The following EYS variants were observed in gnomAD, a reference collection of about 807,000 sequenced individuals.
EYS encodes the protein protein eyes shut homolog.
A neutral mutation model predicts 282.1 loss-of-function variants in EYS; 250 were observed. The observed-to-expected ratio is 0.89, with a 90% confidence interval of 0.80 to 0.98. EYS has a LOEUF of 0.98. Among genes scored for constraint, EYS ranks in the 50% least tolerant of loss-of-function variants. EYS has a pLI of 0.00. For synonymous variants in EYS, 1,355 were observed against 1,282.9 expected (o/e 1.06, Z -1.20); for missense variants, 4,016 against 3,709.0 (o/e 1.08, Z -2.15).
intron 40 of EYS, among the ~76,000 whole-genome samples, chr6:63,765,190 T>G (rs1769755960): frequency 1.3e-5 from 2 of 152,070 alleles, no homozygotes; most frequent in Admixed American, 1.3e-4. Flanking sequence ...ATCTTAGGAT[T>G]GAGCATAGTA....
intron 37 of EYS, among the ~76,000 whole-genome samples, chr6:63,791,494 C>T (rs997777591): frequency 2.7e-5 from 4 of 149,908 alleles, no homozygotes; most frequent in Admixed American, 6.7e-5. Context: ...AGGAGAATGG[C>T]GGGAACCTGG....
chr6:63,726,524 TG>T lies in EYS; in HGVS notation c.8227del (p.Gln2743AsnfsTer10). The T allele has an allele frequency of 6.5e-7, 1 of 1,548,826 alleles. No homozygotes were observed. The highest frequency in any genetic ancestry group is 2.0e-5 in the Admixed American group (1 of 50,432). On this transcript the variant is annotated frameshift_variant, in exon 42 of 43. Coordinates refer to ENST00000503581, the MANE Select transcript of EYS (RefSeq NM_001142800.2). LOFTEE classifies it low-confidence loss of function (END_TRUNC). ...LFYAAQHLKA[Q>X]SGDFLCISLV... Reference sequence around the variant, plus strand: ...AAACAGCCTGCCAATCTTACCTGATTGGGCTTTTAAGTGTTGTGCAGCATAA... The same window carrying T: ...AAACAGCCTGCCAATCTTACCTGATTGGCTTTTAAGTGTTGTGCAGCATAA...
chr6:65,121,646 G>A lies in EYS; in HGVS notation c.2024-63919C>T, dbSNP rs1054435050. 6.6e-5 allele frequency among the ~76,000 whole-genome samples: 10 copies of A among 152,248 alleles called. No individual in the cohort carries two copies. In the South Asian group the frequency reaches 1.9e-3, roughly 28 times the overall value. ...TGGAGAATGATCAGCTCTGGAGCAT[G>A]TTTACTTTAGCAGTGAATGGCCTAA... is the stretch of plus-strand genomic sequence containing the variant. On this transcript the variant is annotated intron_variant, in intron 12 of 42. Transcript: ENST00000503581.
chr6:64,066,505 AG>A lies in EYS; in HGVS notation c.6572-15del. On this transcript the variant is annotated splice_polypyrimidine_tract_variant and intron_variant, in intron 32 of 42. Coordinates refer to ENST00000503581, the MANE Select transcript of EYS (RefSeq NM_001142800.2). ...TATTCCCATTACCTTTAAGAAAAAA[AG>A]AATATATTAGTAATTATTGTAGATT... 3 of 1,402,186 alleles carry A rather than the reference AG, an allele frequency of 2.1e-6. No individual in the cohort carries two copies. In the South Asian group the frequency reaches 3.8e-5, roughly 18 times the overall value. 86.9% of individuals were successfully genotyped at this position (1,402,186 alleles called of 1,614,324 possible).
intron 8 of EYS, among the ~76,000 whole-genome samples, chr6:65,363,095 C>A (rs9445525): frequency 1.3e-5 from 2 of 151,020 alleles, no homozygotes; most frequent in East Asian, 3.9e-4. Flanking sequence ...ACTACATAGA[C>A]TTGCATGCCA....
intron 12 of EYS, among the ~76,000 whole-genome samples, chr6:65,156,955 C>T (rs531645762): frequency 7.9e-5 from 12 of 151,054 alleles, no homozygotes; most frequent in African/African-American, 2.9e-4. Context: ...ATTTTAGCCA[C>T]TCAATTCTAA....
intron 2 of EYS, among the ~76,000 whole-genome samples, chr6:65,585,734 T>C (rs1765021105): frequency 1.3e-5 from 2 of 151,808 alleles, no homozygotes; most frequent in African/African-American, 2.4e-5. Context: ...ATTTCAATGA[T>C]GAATGAGTTT....
At chr6:64,883,399 A>G (rs2150061269) in intron 19 of EYS, among the ~76,000 whole-genome samples, 1 of 151,594 alleles carries the variant, frequency 6.6e-6, no homozygotes, top group South Asian at 2.1e-4. Context: ...TATTTCTGAG[A>G]TAGGACTTAG....
At chr6:65,111,605 T>C (rs1000056055) in intron 12 of EYS, among the ~76,000 whole-genome samples, 1 of 152,184 alleles carries the variant, frequency 6.6e-6, no homozygotes, top group African/African-American at 2.4e-5. Context: ...CCCTCCCTAT[T>C]GGGACGCCAA....
intron 12 of EYS, among the ~76,000 whole-genome samples, chr6:65,149,863 A>C (rs370469095): frequency 2.6e-5 from 4 of 152,116 alleles, no homozygotes; most frequent in South Asian, 4.1e-4. Context: ...ATTTATAAAG[A>C]AAAGAGGTTT....
At chr6:64,319,380 C>T (rs1163603444) in intron 29 of EYS, among the ~76,000 whole-genome samples, 1 of 151,692 alleles carries the variant, frequency 6.6e-6, no homozygotes, top group Non-Finnish European at 1.5e-5. Flanking sequence ...TCTAGCAATA[C>T]CAATTGATTA....
At chr6:64,004,382 T>C (rs1473904479) in intron 33 of EYS, among the ~76,000 whole-genome samples, 1 of 152,158 alleles carries the variant, frequency 6.6e-6, no homozygotes, top group Non-Finnish European at 1.5e-5. Context: ...TAAAATGTTA[T>C]TTTTATTGGA....
intron 11 of EYS, among the ~76,000 whole-genome samples, chr6:65,311,174 T>C (rs1430452204): frequency 6.6e-6 from 1 of 152,174 alleles, no homozygotes; most frequent in East Asian, 1.9e-4. Flanking sequence ...TTAAAAAGTA[T>C]GAAGTACTAC....
chr6:64,803,939 T>C (rs754490134), intron 22 of EYS, among the ~76,000 whole-genome samples: 4 of 152,138 alleles, frequency 2.6e-5, no homozygotes, highest in Non-Finnish European at 5.9e-5. Flanking sequence ...ATGCCTGGGT[T>C]CACAGCCATG....
chr6:65,164,247 T>C (rs1027138008), intron 12 of EYS, among the ~76,000 whole-genome samples: 4 of 151,284 alleles, frequency 2.6e-5, no homozygotes, highest in Non-Finnish European at 1.5e-5. Flanking sequence ...TCGGCAAATG[T>C]TCACATGCAC....
chr6:63,734,380 T>C (rs373157368), intron 41 of EYS, among the ~76,000 whole-genome samples: 1 of 152,116 alleles, frequency 6.6e-6, no homozygotes, highest in East Asian at 1.9e-4. Flanking sequence ...AAGAATGAGA[T>C]GGGAAATCAT....
chr6:64,185,480 T>G (rs1301255678), intron 31 of EYS, among the ~76,000 whole-genome samples: 4 of 152,290 alleles, frequency 2.6e-5, no homozygotes, highest in Admixed American at 2.0e-4. Flanking sequence ...TCCATCTGCC[T>G]TTTCTGTAAT....
At chr6:64,324,313 C>T (rs1561930106) in intron 29 of EYS, among the ~76,000 whole-genome samples, 1 of 152,124 alleles carries the variant, frequency 6.6e-6, no homozygotes, top group Admixed American at 6.5e-5. Flanking sequence ...TTTTGGGATG[C>T]AAAGTTGGTT....
chr6:64,680,908 G>C (rs1385593972), intron 22 of EYS, among the ~76,000 whole-genome samples: 1 of 152,118 alleles, frequency 6.6e-6, no homozygotes, highest in Non-Finnish European at 1.5e-5. Flanking sequence ...CGTAATGTGA[G>C]GTAGTGCAAA....
Sources: gnomAD v4.1 joint callset for allele counts (sites outside exome capture counted in the v4.1 genomes callset) on GRCh38, gnomAD v4.1.1 for gene constraint, MANE v1.5 for transcripts, NCBI Gene and HGNC (gene_info 2026-07-23, HGNC 2026-07-21) for gene names.